SCIN: variants seen among roughly 807,000 people sequenced by gnomAD.
The protein encoded by SCIN is adseverin.
A neutral mutation model predicts 91.8 loss-of-function variants in SCIN; 91 were observed. The ratio of observed to expected loss-of-function variants is 0.99; its 90% CI spans 0.84 to 1.18. The LOEUF (loss-of-function observed/expected upper bound fraction) is 1.18. Among genes scored for constraint, SCIN ranks in the 50% most tolerant of loss-of-function variants. The probability of loss-of-function intolerance (pLI) is 0.00; values close to 1 mark genes in which losing one functional copy is unlikely to be tolerated. For missense variants in SCIN, 1,087 were observed against 863.9 expected (o/e 1.26, Z -3.24); for synonymous variants, 367 against 312.6 (o/e 1.17, Z -1.84).
chr7:12,625,904 A>G, intron 7 of SCIN, 54 bp downstream of exon 7: 1 of 1,291,666 alleles, frequency 7.7e-7, no homozygotes, highest in Non-Finnish European at 1.1e-6. Flanking sequence ...GGAGCTCATG[A>G]CATCTCCACG....
chr7:12,586,256 T>C (rs1419692001), intron 3 of SCIN, among the ~76,000 whole-genome samples: 1 of 152,190 alleles, frequency 6.6e-6, no homozygotes, highest in Admixed American at 6.5e-5. Context: ...CAAGCTCCTA[T>C]TTCCCCAGAA....
At chr7:12,642,111 A>T (rs1489772046) in intron 11 of SCIN, among the ~76,000 whole-genome samples, 1 of 151,768 alleles carries the variant, frequency 6.6e-6, no homozygotes, top group Non-Finnish European at 1.5e-5. Flanking sequence ...AGCAATAAAT[A>T]ATATATTTGT....
At chr7:12,590,601 C>T (rs890706843) in intron 3 of SCIN, among the ~76,000 whole-genome samples, 2 of 151,876 alleles carry the variant, frequency 1.3e-5, no homozygotes, top group African/African-American at 4.8e-5. Flanking sequence ...AAAGCTTTCT[C>T]GGTGGGAGAG....
chr7:12,619,658 C>G (rs1195755088), intron 4 of SCIN, among the ~76,000 whole-genome samples: 2 of 152,086 alleles, frequency 1.3e-5, no homozygotes, highest in Non-Finnish European at 2.9e-5. Flanking sequence ...ATGGGCATGG[C>G]TTCCATATGG....
intron 4 of SCIN, among the ~76,000 whole-genome samples, chr7:12,605,910 T>A (rs1783072786): frequency 6.6e-6 from 1 of 152,200 alleles, no homozygotes; most frequent in Admixed American, 6.5e-5. Flanking sequence ...AGACCCTGCA[T>A]CATTTACTTA....
intron 1 of SCIN, 130 bp downstream of exon 1, chr7:12,571,115 G>A: frequency 9.4e-7 from 1 of 1,066,538 alleles, no homozygotes; most frequent in Non-Finnish European, 1.3e-6. Flanking sequence ...CCCCCACGGG[G>A]CTGCCCTTTG....
At chr7:12,613,953 C>G (rs1783247721) in intron 4 of SCIN, among the ~76,000 whole-genome samples, 1 of 152,040 alleles carries the variant, frequency 6.6e-6, no homozygotes, top group Non-Finnish European at 1.5e-5. Flanking sequence ...CTTCATAGAA[C>G]TATGTTGGTA....
At chr7:12,644,398 T>G (rs891209045) in intron 12 of SCIN, 83 bp downstream of exon 12, 3 of 1,484,172 alleles carry the variant, frequency 2.0e-6, no homozygotes, top group Non-Finnish European at 2.7e-6. Context: ...AAAAAGTCAC[T>G]TTCTAATGGC....
intron 3 of SCIN, among the ~76,000 whole-genome samples, chr7:12,585,284 T>C (rs1279477875): frequency 2.0e-5 from 3 of 152,150 alleles, no homozygotes; most frequent in Non-Finnish European, 4.4e-5. Flanking sequence ...CTTTTGACTT[T>C]TCCCAGCTTA....
chr7:12,608,624 C>A (rs529161267), intron 4 of SCIN, among the ~76,000 whole-genome samples: 1 of 151,944 alleles, frequency 6.6e-6, no homozygotes, highest in African/African-American at 2.4e-5. Context: ...ATTACAGGCA[C>A]CCACCACCAC....
At chr7:12,571,348 C>A in intron 1 of SCIN, 1 of 360,062 alleles carries the variant, frequency 2.8e-6, no homozygotes, top group Non-Finnish European at 5.2e-6. Flanking sequence ...GGCCAAGCCC[C>A]GCTCACCTTC....
intron 3 of SCIN, among the ~76,000 whole-genome samples, chr7:12,601,601 A>G (rs1360841363): frequency 2.0e-5 from 3 of 152,114 alleles, no homozygotes; most frequent in Non-Finnish European, 2.9e-5. Flanking sequence ...TTTCTTAATT[A>G]TCTCTGTATC....
chr7:12,636,253 G>A, intron 10 of SCIN, 118 bp downstream of exon 10: 1 of 656,866 alleles, frequency 1.5e-6, no homozygotes, highest in Non-Finnish European at 2.6e-6. Context: ...TATGAACTGT[G>A]TTTTCATTTT....
In SCIN at chr7:12,640,360, A is replaced by G; in HGVS notation, c.1424A>G (p.Gln475Arg). The G allele has an allele frequency of 1.3e-6, 2 of 1,597,990 alleles. No individual in the cohort carries two copies. Among genetic ancestry groups the G allele is most frequent in the Non-Finnish European group, 1.7e-6 (2 of 1,173,068 alleles). ...CTCCCCCATCAGATCCGAGTCTCCC[A>G]AGGCAAAGAGCCTGTTCACCTACTG... Reference protein sequence around the residue: ...GGQAVQIRVSQGKEPVHLLSL... With the variant: ...GGQAVQIRVSRGKEPVHLLSL... The change falls in exon 11 of 16, where the codon CAA becomes CGA. Residue 475 changes from glutamine (Q) to arginine (R), a missense_variant. Transcript: ENST00000297029.
intron 3 of SCIN, among the ~76,000 whole-genome samples, chr7:12,588,189 G>T (rs1782630492): frequency 1.3e-5 from 2 of 152,170 alleles, no homozygotes; most frequent in Admixed American, 1.3e-4. Context: ...TAATGGGAAA[G>T]ATACACCAAA....
At chr7:12,628,711 G>GA (rs1343055916) in intron 8 of SCIN, among the ~76,000 whole-genome samples, 21 of 150,594 alleles carry the variant, frequency 1.4e-4, no homozygotes, top group Middle Eastern at 3.4e-3. Context: ...AAAGCACAGG[G>GA]AAAAAAATAT....
intron 2 of SCIN, among the ~76,000 whole-genome samples, chr7:12,579,297 G>C (rs1782441515): frequency 6.6e-6 from 1 of 152,130 alleles, no homozygotes; most frequent in East Asian, 1.9e-4. Context: ...CTCTTGAAAT[G>C]ATTATTTTAT....
intron 10 of SCIN, among the ~76,000 whole-genome samples, chr7:12,640,138 G>A (rs574832204): frequency 7.9e-5 from 12 of 152,168 alleles, no homozygotes; most frequent in Admixed American, 2.0e-4. Context: ...CATGGACACC[G>A]TGCCTGCGAT....
chr7:12,578,645 A>G (rs998116575), intron 2 of SCIN, among the ~76,000 whole-genome samples: 1 of 152,096 alleles, frequency 6.6e-6, no homozygotes, highest in Non-Finnish European at 1.5e-5. Context: ...TCTGGAATAT[A>G]TTAATACAGT....
Sources: gnomAD v4.1 joint callset for allele counts (sites outside exome capture counted in the v4.1 genomes callset) on GRCh38, gnomAD v4.1.1 for gene constraint, MANE v1.5 for transcripts, NCBI Gene and HGNC (gene_info 2026-07-23, HGNC 2026-07-21) for gene names.